Variants in EEF2K observed in about 807,000 individuals in gnomAD.
The protein encoded by EEF2K is alternative protein EEF2K.
In EEF2K, 70 loss-of-function variants were observed where a neutral mutation model predicts 93.8. That is an observed-to-expected ratio of 0.75 (90% CI 0.62 to 0.91). The LOEUF is 0.91. EEF2K is among the 40% of genes least tolerant of loss of function. The probability of loss-of-function intolerance (pLI) is 0.00; values close to 1 mark genes in which losing one functional copy is unlikely to be tolerated. For synonymous variants in EEF2K, 376 were observed against 380.8 expected, an observed-to-expected ratio of 0.99 and a Z score of 0.15; for missense variants, 935 against 972.9, an observed-to-expected ratio of 0.96 and a Z score of 0.52.
chr16:22,270,971 C>CTTTT (rs11290278), intron 15 of EEF2K, among the ~76,000 whole-genome samples: 1 of 129,612 alleles, frequency 7.7e-6, no homozygotes, highest in East Asian at 2.2e-4. Context: ...TTTTGTTTTT[C>CTTTT]TTTTTTTTTT....
chr16:22,265,039 T>C, intron 13 of EEF2K, 159 bp downstream of exon 13: 1 of 760,592 alleles, frequency 1.3e-6, no homozygotes, highest in Non-Finnish European at 2.1e-6. Flanking sequence ...AAATGCTCTT[T>C]GAACCTCTGC....
intron 17 of EEF2K, among the ~76,000 whole-genome samples, chr16:22,280,765 A>G (rs1445675141): frequency 6.8e-6 from 1 of 147,552 alleles, no homozygotes; most frequent in Non-Finnish European, 1.5e-5. Flanking sequence ...CCCGAGTTCC[A>G]GCGATTCTCC....
intron 4 of EEF2K, 24 bp downstream of exon 4, chr16:22,248,839 G>A (rs553628992): frequency 1.2e-6 from 2 of 1,613,146 alleles, no homozygotes; most frequent in Admixed American, 1.7e-5. Flanking sequence ...TGAGCCCCGT[G>A]GGGACAGGGC....
chr16:22,245,585 C>A (rs1197326157), intron 3 of EEF2K, among the ~76,000 whole-genome samples: 1 of 152,040 alleles, frequency 6.6e-6, no homozygotes, highest in Non-Finnish European at 1.5e-5. Context: ...AAACCTCCAA[C>A]TAGAGTTAAG....
intron 1 of EEF2K, among the ~76,000 whole-genome samples, chr16:22,222,456 A>G (rs1048142161): frequency 2.0e-5 from 3 of 151,804 alleles, no homozygotes; most frequent in Non-Finnish European, 4.4e-5. Context: ...CGATCCTCCC[A>G]CCTCGGCCTC....
intron 1 of EEF2K, among the ~76,000 whole-genome samples, chr16:22,216,662 C>T (rs1208965437): frequency 6.6e-6 from 1 of 151,892 alleles, no homozygotes; most frequent in Non-Finnish European, 1.5e-5. Context: ...GGGAGGTTGA[C>T]GCGGGAGGAT....
At chr16:22,235,841 A>T (rs1008748776) in intron 2 of EEF2K, among the ~76,000 whole-genome samples, 2 of 152,162 alleles carry the variant, frequency 1.3e-5, no homozygotes, top group Non-Finnish European at 2.9e-5. Flanking sequence ...GCTGTTGCCC[A>T]GGCTGGAGTG....
At chr16:22,276,312 T>A (rs2047634969) in intron 16 of EEF2K, among the ~76,000 whole-genome samples, 1 of 152,150 alleles carries the variant, frequency 6.6e-6, no homozygotes, top group African/African-American at 2.4e-5. Flanking sequence ...AGGGCACAGA[T>A]GCCACATAAT....
Position 22,286,760 on chromosome 16 carries a change from C to T in EEF2K, c.*2764C>T, listed in dbSNP as rs1412134104. ...TTCCCCAGGGCACCAAAACACAGTG[C>T]TTTGGCATAGAGTAGGCACTCAACA... On this transcript the variant is annotated 3_prime_UTR_variant, in exon 18 of 18. Coordinates refer to ENST00000263026, the MANE Select transcript of EEF2K (RefSeq NM_013302.5). 1.3e-5 allele frequency: 2 copies of T among 152,368 alleles called. No individual in the cohort carries two copies. The highest frequency in any genetic ancestry group is 2.4e-5 in the African/African-American group (1 of 41,576). 9.4% of individuals were successfully genotyped at this position (152,368 alleles called of 1,614,324 possible). A position where few individuals can be genotyped will look rare whatever the true frequency, so the allele number is the denominator to read the frequency against.
At position 22,286,552 on chromosome 16, in the gene EEF2K, T is replaced by G. The variant is rs1365949519; in HGVS notation, c.*2556T>G. On this transcript the variant is annotated 3_prime_UTR_variant, in exon 18 of 18. Transcript: ENST00000263026. The stretch of plus-strand genomic sequence containing the variant: ...CTGCTGCAAATGCTCAGCCCTGCTG[T>G]TGTAATGTAAAAGCTGCCACAGACA... 1 of 152,214 alleles carries G rather than the reference T, an allele frequency of 6.6e-6. No homozygotes were observed. Among genetic ancestry groups the G allele is most frequent in the Non-Finnish European group, 1.5e-5 (1 of 68,044 alleles). The allele number at this position is 152,214 out of a possible 1,614,324, so 9.4% of individuals were successfully genotyped here.
intron 1 of EEF2K, among the ~76,000 whole-genome samples, chr16:22,218,461 G>A (rs62044762): frequency 0.29 from 44,778 of 152,090 alleles, 7,674 homozygotes; most frequent in East Asian, 0.58. Flanking sequence ...GGTGAGCCCC[G>A]AGGGGGACCA....
intron 1 of EEF2K, among the ~76,000 whole-genome samples, chr16:22,209,316 A>G (rs1410912149): frequency 6.6e-6 from 1 of 152,106 alleles, no homozygotes; most frequent in Non-Finnish European, 1.5e-5. Context: ...ATGAGCCACC[A>G]TGCCCACCCG....
intron 2 of EEF2K, among the ~76,000 whole-genome samples, chr16:22,235,089 C>T (rs1009828116): frequency 4.0e-5 from 6 of 151,526 alleles, no homozygotes; most frequent in African/African-American, 1.5e-4. Context: ...GGGCGCACAC[C>T]TGTAGTCCCA....
At chr16:22,206,834 C>T (rs1391621450) in intron 1 of EEF2K, among the ~76,000 whole-genome samples, 155 bp downstream of exon 1, 2 of 152,210 alleles carry the variant, frequency 1.3e-5, no homozygotes, top group Non-Finnish European at 2.9e-5. Flanking sequence ...GGGCGCTTCT[C>T]CTCTGGTTGT....
intron 2 of EEF2K, among the ~76,000 whole-genome samples, chr16:22,243,623 G>A (rs966116365): frequency 2.0e-5 from 3 of 151,264 alleles, no homozygotes; most frequent in Admixed American, 6.6e-5. Flanking sequence ...GCCAGCACTC[G>A]CTAAAATGTT....
intron 6 of EEF2K, among the ~76,000 whole-genome samples, chr16:22,252,838 C>T (rs1412923542): frequency 6.6e-6 from 1 of 152,062 alleles, no homozygotes; most frequent in Non-Finnish European, 1.5e-5. Context: ...GATTGAGGAC[C>T]AAGCAAAGGG....
chr16:22,217,195 C>T (rs1360522200), intron 1 of EEF2K, among the ~76,000 whole-genome samples: 2 of 139,232 alleles, frequency 1.4e-5, no homozygotes, highest in Admixed American at 7.3e-5. Context: ...AATCAGGAAG[C>T]GTATTATTTA....
chr16:22,229,951 T>C lies in EEF2K; in HGVS notation c.246+3976T>C, dbSNP rs1426291996. 3.3e-5 allele frequency among the ~76,000 whole-genome samples: 5 copies of C among 152,272 alleles called. No homozygotes were observed. The East Asian group carries it at 7.7e-4, about 23-fold the overall frequency. ...AGTTCTTGGAGATAGTTGGGTAATG[T>C]TTTCCCTTTAGGCCTAGAGTTCTAG... On this transcript the variant is annotated intron_variant, in intron 2 of 17. Transcript: ENST00000263026.
At chr16:22,244,565 C>A in intron 2 of EEF2K, 65 bp from the exon 3 acceptor site, 1 of 1,506,848 alleles carries the variant, frequency 6.6e-7, no homozygotes, top group Non-Finnish European at 9.2e-7. Context: ...CAGGAGGAGT[C>A]CACGCTGTCC....
Sources: gnomAD v4.1 joint callset for allele counts (sites outside exome capture counted in the v4.1 genomes callset) on GRCh38, gnomAD v4.1.1 for gene constraint, MANE v1.5 for transcripts, NCBI Gene and HGNC (gene_info 2026-07-23, HGNC 2026-07-21) for gene names.